NEK1: variants seen among roughly 807,000 people sequenced by gnomAD.
NEK1 encodes the protein NIMA related kinase 1.
NEK1 carries 137 observed loss-of-function variants against 182.1 expected under a neutral mutation model. The ratio of observed to expected loss-of-function variants is 0.75; its 90% CI spans 0.65 to 0.87. NEK1 has a LOEUF of 0.87. Ranked by LOEUF, NEK1 falls within the 40% of genes least tolerant of loss-of-function variation. The pLI, the probability that NEK1 is intolerant of heterozygous loss-of-function variation, is 0.00. For missense variants in NEK1, 1,391 were observed against 1,494.4 expected, an observed-to-expected ratio of 0.93 and a Z score of 1.14; for synonymous variants, 513 against 492.2, an observed-to-expected ratio of 1.04 and a Z score of -0.56.
chr4:169,555,954 A>G lies in NEK1; in HGVS notation c.1408T>C (p.Tyr470His), dbSNP rs1362208038. 10 of 1,613,608 alleles carry G rather than the reference A, an allele frequency of 6.2e-6. No homozygotes were observed. Among genetic ancestry groups the G allele is most frequent in the East Asian group, 2.2e-5 (1 of 44,860 alleles). The change falls in exon 17 of 36, where the codon TAT becomes CAT. Residue 470 changes from tyrosine to histidine, a missense_variant. Tyr to His is a moderately conservative substitution (Grantham distance 83, BLOSUM62 2). This residue lies in a region of NEK1 where 1,216 missense variants were observed against 1,277.6 expected (regional missense o/e 0.95). Transcript: ENST00000507142. ...TACCTTTCTGGAAGACCTCGACCAT[A>G]TATTTCTCTTTTCCATTTAGCTTCA... ...DNEAKWKREI[Y>H]GRGLPERGIL...
At chr4:169,502,825 A>C (rs1212603896) in intron 23 of NEK1, among the ~76,000 whole-genome samples, 1 of 152,154 alleles carries the variant, frequency 6.6e-6, no homozygotes, top group East Asian at 1.9e-4. Flanking sequence ...CTAGAACAAG[A>C]CAAGGATTCC....
At position 169,512,460 on chromosome 4, in the gene NEK1, T is replaced by C. The variant is rs180948498; in HGVS notation, c.1666-3608A>G. ...TTTCCTCATTTTCTAACTGGATCTT[T>C]TATGTTTAATGTTGAATTTTGATAC... On this transcript the variant is annotated intron_variant, in intron 19 of 35. Transcript: ENST00000507142. 6.4e-4 allele frequency among the ~76,000 whole-genome samples: 98 copies of C among 152,218 alleles called. 1 individual carries two copies. Among genetic ancestry groups the C allele is most frequent in the African/African-American group, 2.3e-3 (94 of 41,562 alleles).
At chr4:169,452,303 C>T (rs919172194) in intron 27 of NEK1, among the ~76,000 whole-genome samples, 6 of 152,204 alleles carry the variant, frequency 3.9e-5, no homozygotes, top group Admixed American at 2.0e-4. Context: ...AGGGAATCCT[C>T]CCTAACGCAT....
At chr4:169,592,911 A>C (rs1161884926) in intron 5 of NEK1, among the ~76,000 whole-genome samples, 1 of 152,196 alleles carries the variant, frequency 6.6e-6, no homozygotes, top group East Asian at 1.9e-4. Context: ...ACAATAAGAC[A>C]GCAATTAATT....
intron 23 of NEK1, among the ~76,000 whole-genome samples, chr4:169,489,003 C>A (rs1749560235): frequency 6.6e-6 from 1 of 152,194 alleles, no homozygotes; most frequent in Non-Finnish European, 1.5e-5. Context: ...AGTCAATCTT[C>A]AAACAAGCTA....
chr4:169,477,609 AT>A (rs1295227481), intron 24 of NEK1, 112 bp from the exon 25 acceptor site: 7 of 738,132 alleles, frequency 9.5e-6, no homozygotes, highest in Non-Finnish European at 1.5e-5. Flanking sequence ...TTCCTTGTAA[AT>A]TTTTTATTCC....
chr4:169,393,032 A>T lies in NEK1; in HGVS notation c.*1478T>A, dbSNP rs536996005. 75 of 152,242 alleles carry T rather than the reference A, an allele frequency of 4.9e-4. No homozygotes were observed. Among genetic ancestry groups the T allele is most frequent in the African/African-American group, 1.8e-3 (75 of 41,548 alleles). The allele number at this position is 152,242 out of a possible 1,614,324, so 9.4% of individuals were successfully genotyped here. On this transcript the variant is annotated 3_prime_UTR_variant, in exon 36 of 36. Coordinates refer to ENST00000507142, the MANE Select transcript of NEK1 (RefSeq NM_001199397.3). Reference sequence around the variant, plus strand: ...ACATCTTTTGAAATATGGCTAAAACAATTTTTTTCTACCATATTATACCCT... The same window carrying T: ...ACATCTTTTGAAATATGGCTAAAACTATTTTTTTCTACCATATTATACCCT...
intron 27 of NEK1, among the ~76,000 whole-genome samples, chr4:169,451,738 A>G (rs1479171304): frequency 6.6e-6 from 1 of 152,226 alleles, no homozygotes; most frequent in African/African-American, 2.4e-5. Context: ...TAGAGAAGCA[A>G]GAGCAAACAA....
chr4:169,509,733 TCATAA>T (rs1362702453), intron 19 of NEK1, among the ~76,000 whole-genome samples: 2 of 152,060 alleles, frequency 1.3e-5, no homozygotes, highest in African/African-American at 2.4e-5. Flanking sequence ...TTTTTTTCTG[TCATAA>T]CATAATACAT....
At chr4:169,482,461 TTTTCTTTC>T (rs562111623) in intron 23 of NEK1, among the ~76,000 whole-genome samples, 1 of 151,620 alleles carries the variant, frequency 6.6e-6, no homozygotes, top group East Asian at 1.9e-4. Flanking sequence ...TCCAGCTAAT[TTTTCTTTC>T]TTTCTTTCTT....
intron 27 of NEK1, among the ~76,000 whole-genome samples, chr4:169,447,316 T>C (rs1740763791): frequency 1.3e-5 from 2 of 151,978 alleles, no homozygotes; most frequent in South Asian, 4.2e-4. Context: ...CCAGAGAAAA[T>C]ATCCTTCAAA....
chr4:169,508,757 C>T lies in NEK1; in HGVS notation c.1749+12G>A, dbSNP rs780575380. The T allele has an allele frequency of 2.6e-6, 4 of 1,553,704 alleles. No homozygotes were observed. Among genetic ancestry groups the T allele is most frequent in the East Asian group, 4.6e-5 (2 of 43,632 alleles). ...CTATGTGATGGAGGTAGCGAACATG[C>T]GGGAAGCATACCTCTTCCTCTTTGT... is the stretch of plus-strand genomic sequence containing the variant. On this transcript the variant is annotated intron_variant, in intron 20 of 35. Coordinates refer to ENST00000507142, the MANE Select transcript of NEK1 (RefSeq NM_001199397.3).
intron 23 of NEK1, among the ~76,000 whole-genome samples, chr4:169,501,850 C>G (rs1028547987): frequency 6.6e-6 from 1 of 151,584 alleles, no homozygotes; most frequent in African/African-American, 2.4e-5. Flanking sequence ...ACTAGAAGAA[C>G]AAAAAGAAAC....
Position 169,437,878 on chromosome 4 carries a change from C to T in NEK1, c.2764+205G>A, listed in dbSNP as rs189785959. On this transcript the variant is annotated intron_variant, in intron 28 of 35. Coordinates refer to ENST00000507142, the MANE Select transcript of NEK1 (RefSeq NM_001199397.3). ...TGGCACATAAAATCATGGTATGAAA[C>T]GGTTGGTGTTTCAACACTAAGTTTT... 2.0e-4 allele frequency among the ~76,000 whole-genome samples: 31 copies of T among 152,132 alleles called. 1 individual carries two copies. The South Asian group carries it at 2.7e-3, about 13-fold the overall frequency.
At chr4:169,438,429 A>G (rs1380853956) in intron 27 of NEK1, among the ~76,000 whole-genome samples, 170 bp from the exon 28 acceptor site, 1 of 152,260 alleles carries the variant, frequency 6.6e-6, no homozygotes, top group Non-Finnish European at 1.5e-5. Flanking sequence ...TGAAAGTCAA[A>G]TTTCATTTCA....
chr4:169,515,419 C>A (rs1239988119), intron 19 of NEK1, among the ~76,000 whole-genome samples: 1 of 151,698 alleles, frequency 6.6e-6, no homozygotes, highest in African/African-American at 2.4e-5. Context: ...TTTACTTCTT[C>A]TTTCAGCTCT....
At chr4:169,528,591 G>C (rs899923875) in intron 19 of NEK1, among the ~76,000 whole-genome samples, 6 of 152,154 alleles carry the variant, frequency 3.9e-5, no homozygotes, top group African/African-American at 1.4e-4. Flanking sequence ...GAAACTGTGA[G>C]ATAAACTGCT....
rs143941961 is a variant in NEK1, at chr4:169,456,730, A to G, written c.2587+6513T>C. Among the ~76,000 whole-genome samples the G allele has an allele frequency of 3.2e-3, 480 of 152,352 alleles. 3 individuals carry two copies. Among genetic ancestry groups the G allele is most frequent in the Middle Eastern group, 0.017 (5 of 292 alleles). On this transcript the variant is annotated intron_variant, in intron 27 of 35. Transcript: ENST00000507142. The stretch of plus-strand genomic sequence containing the variant: ...TGGGTATATATCCAAAAGAAAGGAA[A>G]TCAGTATATCAAACAGATATCTGCA...
chr4:169,599,018 T>A, intron 5 of NEK1, 82 bp downstream of exon 5: 4 of 1,021,588 alleles, frequency 3.9e-6, no homozygotes, highest in Non-Finnish European at 5.9e-6. Flanking sequence ...CATTTGTAGT[T>A]AAAAACAAAT....
Sources: gnomAD v4.1 joint callset for allele counts (sites outside exome capture counted in the v4.1 genomes callset) on GRCh38, gnomAD v4.1.1 for gene constraint, gnomAD v4.1.1 regional missense constraint, MANE v1.5 for transcripts, NCBI Gene and HGNC (gene_info 2026-07-23, HGNC 2026-07-21) for gene names.